Variants in EFR3A observed in about 807,000 individuals in gnomAD.
EFR3A encodes the protein protein EFR3 homolog A.
A neutral mutation model predicts 104.4 loss-of-function variants in EFR3A; 76 were observed. The observed-to-expected ratio is 0.73, with a 90% CI of 0.60 to 0.88. The LOEUF (loss-of-function observed/expected upper bound fraction) is 0.88. Ranked by LOEUF, EFR3A falls within the 40% of genes least tolerant of loss-of-function variation. The pLI, the probability that EFR3A is intolerant of heterozygous loss-of-function variation, is 0.00. For missense variants in EFR3A, 985 were observed against 1,012.5 expected, an observed-to-expected ratio of 0.97 and a Z score of 0.37; for synonymous variants, 330 against 330.0, an observed-to-expected ratio of 1.00 and a Z score of 0.00.
intron 9 of EFR3A, among the ~76,000 whole-genome samples, chr8:131,969,181 T>G (rs1295705763): frequency 6.6e-6 from 1 of 152,126 alleles, no homozygotes; most frequent in Admixed American, 6.6e-5. Context: ...TTACGATATT[T>G]TACTTACATG....
At chr8:131,955,623 T>G in intron 6 of EFR3A, 145 bp from the exon 7 acceptor site, 1 of 805,042 alleles carries the variant, frequency 1.2e-6, no homozygotes, top group Admixed American at 3.1e-5. Flanking sequence ...GGTGTTAAAT[T>G]CATGAAATTA....
intron 1 of EFR3A, among the ~76,000 whole-genome samples, chr8:131,922,110 C>G (rs1817062044): frequency 6.6e-6 from 1 of 152,082 alleles, no homozygotes; most frequent in Admixed American, 6.5e-5. Flanking sequence ...CCTTGGAGTT[C>G]CTTGGCTTGT....
rs918039544 is a variant in EFR3A at position 131,960,964 on chromosome 8, C to T, written c.855+1301C>T. 2.6e-5 allele frequency among the ~76,000 whole-genome samples: 4 copies of T among 152,158 alleles called. No homozygotes were observed. The East Asian group carries it at 7.7e-4, about 29-fold the overall frequency. On this transcript the variant is annotated intron_variant, in intron 8 of 22. Transcript: ENST00000254624. ...CCAGGCAAACAGGGTCTGGAGTGGACCTCTGGCGAACTCCCAACAGACCTG... is the reference window on the plus strand; with the variant it reads ...CCAGGCAAACAGGGTCTGGAGTGGATCTCTGGCGAACTCCCAACAGACCTG...
Position 131,970,557 on chromosome 8 carries a change from G to A in EFR3A, c.1073G>A (p.Gly358Glu), listed in dbSNP as rs1440707474. The A allele has an allele frequency of 3.7e-6, 6 of 1,613,652 alleles. No individual in the cohort carries two copies. In the African/African-American group the frequency reaches 4.0e-5, roughly 11 times the overall value. Residue 358 changes from glycine to glutamate, a missense_variant, in exon 10 of 23, where the codon GGG becomes GAG. Transcript: ENST00000254624. Reference sequence around the variant, plus strand: ...GAATTCGAAGCAAATGATTTACAGGGGGGATCTGTAGGCAGTGTCAACTTA... The same window carrying A: ...GAATTCGAAGCAAATGATTTACAGGAGGGATCTGTAGGCAGTGTCAACTTA... ...SVEFEANDLQ[G>E]GSVGSVNLNT...
intron 1 of EFR3A, among the ~76,000 whole-genome samples, chr8:131,911,441 C>T (rs1416018437): frequency 1.3e-5 from 2 of 152,084 alleles, no homozygotes; most frequent in South Asian, 2.1e-4. Context: ...AGAGAAGGAA[C>T]TTTAAGAGAG....
chr8:131,947,115 T>C (rs1358249961), intron 4 of EFR3A, among the ~76,000 whole-genome samples: 1 of 152,014 alleles, frequency 6.6e-6, no homozygotes, highest in Non-Finnish European at 1.5e-5. Flanking sequence ...TCCAAAGTGG[T>C]TGCATTATTT....
intron 8 of EFR3A, among the ~76,000 whole-genome samples, chr8:131,965,962 C>T (rs1156811852): frequency 6.6e-6 from 1 of 151,682 alleles, no homozygotes; most frequent in South Asian, 2.1e-4. Flanking sequence ...ATCGCAAGGA[C>T]AAAAAACCAA....
intron 6 of EFR3A, among the ~76,000 whole-genome samples, chr8:131,955,091 A>G (rs1001039820): frequency 2.0e-5 from 3 of 152,226 alleles, no homozygotes; most frequent in Admixed American, 6.5e-5. Context: ...TTAAAGGATC[A>G]CTAGCTAGTT....
intron 9 of EFR3A, 100 bp from the exon 10 acceptor site, chr8:131,970,376 T>A (rs1819980927): frequency 8.8e-7 from 1 of 1,130,468 alleles, no homozygotes; most frequent in Non-Finnish European, 1.3e-6. Flanking sequence ...TTCTGACTAT[T>A]TAGAAAATTA....
chr8:132,006,839 A>G, intron 22 of EFR3A, among the ~76,000 whole-genome samples: 1 of 152,024 alleles, frequency 6.6e-6, no homozygotes, highest in African/African-American at 2.4e-5. Context: ...GAGGAAAGCA[A>G]GATCAGTTTT....
chr8:131,939,439 T>G (rs1229497754), intron 1 of EFR3A, among the ~76,000 whole-genome samples: 1 of 152,162 alleles, frequency 6.6e-6, no homozygotes, highest in Non-Finnish European at 1.5e-5. Context: ...CATTCCAAGG[T>G]TACATTTATA....
intron 10 of EFR3A, among the ~76,000 whole-genome samples, chr8:131,974,541 A>G (rs542587434): frequency 6.6e-6 from 1 of 152,282 alleles, no homozygotes; most frequent in Admixed American, 6.5e-5. Context: ...CCCTTACCTC[A>G]GGCCCTAATG....
chr8:131,967,342 G>A (rs1819791789), intron 8 of EFR3A, among the ~76,000 whole-genome samples: 1 of 152,096 alleles, frequency 6.6e-6, no homozygotes, highest in Non-Finnish European at 1.5e-5. Context: ...CTTTTGAGCA[G>A]AGTAACCATT....
Position 132,011,123 on chromosome 8 carries a change from T to C in EFR3A, c.*228T>C. ...ATGTTAATTTGCTTTGAGGTTCCTG[T>C]TGCCTTTTTAAGTTGAACATGTTTT... On this transcript the variant is annotated 3_prime_UTR_variant, in exon 23 of 23. Coordinates refer to ENST00000254624, the MANE Select transcript of EFR3A (RefSeq NM_015137.6). The C allele has an allele frequency of 8.3e-7, 1 of 1,198,332 alleles. No individual in the cohort carries two copies. The highest frequency in any genetic ancestry group is 1.0e-6 in the Non-Finnish European group (1 of 960,526). The allele number at this position is 1,198,332 out of a possible 1,614,324, so 74.2% of individuals were successfully genotyped here.
At chr8:132,001,978 T>C (rs956036851) in intron 20 of EFR3A, among the ~76,000 whole-genome samples, 171 bp downstream of exon 20, 13 of 152,192 alleles carry the variant, frequency 8.5e-5, no homozygotes, top group African/African-American at 3.1e-4. Context: ...GCTTCAGAAT[T>C]GTCTTGTCCC....
At chr8:132,002,288 T>A (rs1821821589) in intron 20 of EFR3A, among the ~76,000 whole-genome samples, 1 of 152,326 alleles carries the variant, frequency 6.6e-6, no homozygotes, top group African/African-American at 2.4e-5. Context: ...CAGGAAGGAC[T>A]GTGAAGTAGT....
intron 1 of EFR3A, among the ~76,000 whole-genome samples, chr8:131,904,845 A>G (rs1264203167): frequency 6.6e-6 from 1 of 152,092 alleles, no homozygotes; most frequent in Non-Finnish European, 1.5e-5. Context: ...AGGCAGAGGC[A>G]CCTCGACTGT....
chr8:132,010,407 G>GATATATATAT (rs66644698), intron 22 of EFR3A, among the ~76,000 whole-genome samples: 115 of 81,828 alleles, frequency 1.4e-3, no homozygotes, highest in African/African-American at 1.6e-3. Flanking sequence ...TCAAGTATGA[G>GATATATATAT]ATATATATAT....
intron 22 of EFR3A, among the ~76,000 whole-genome samples, chr8:132,008,431 A>C (rs541743828): frequency 6.6e-6 from 1 of 152,212 alleles, no homozygotes; most frequent in Non-Finnish European, 1.5e-5. Flanking sequence ...ATAGTTGCCA[A>C]ATGTCCATTA....
Sources: gnomAD v4.1 joint callset for allele counts (sites outside exome capture counted in the v4.1 genomes callset) on GRCh38, gnomAD v4.1.1 for gene constraint, MANE v1.5 for transcripts, NCBI Gene and HGNC (gene_info 2026-07-23, HGNC 2026-07-21) for gene names.